The following CLCN2 variants were observed in gnomAD, a reference collection of about 807,000 sequenced individuals.
CLCN2 encodes the protein chloride channel protein 2.
CLCN2 carries 72 observed loss-of-function variants against 108.3 expected under a neutral mutation model. The observed-to-expected ratio is 0.66, with a 90% CI of 0.55 to 0.81. CLCN2 has a LOEUF of 0.81. CLCN2 is among the 30% of genes least tolerant of loss of function. CLCN2 has a pLI of 0.00. For synonymous variants in CLCN2, 471 were observed against 467.1 expected (o/e 1.01, Z -0.11); for missense variants, 1,048 against 1,205.2 (o/e 0.87, Z 1.93).
intron 17 of CLCN2, 36 bp downstream of exon 17, chr3:184,353,214 T>A (rs1345480180): frequency 1.2e-6 from 2 of 1,612,900 alleles, no homozygotes; most frequent in Non-Finnish European, 8.5e-7. Context: ...GTCTACACAA[T>A]GACATTTAGG....
Position 184,352,121 on chromosome 3 carries a change from A to C in CLCN2, c.2311-4T>G. On this transcript the variant is annotated splice_polypyrimidine_tract_variant and splice_region_variant and intron_variant, in intron 21 of 23. Transcript: ENST00000265593. Reference sequence around the variant, plus strand: ...GCTGCTCCTCCCACTCCAGAATCTGAGGGGAAGAGACTATGAGGTTTAGGG... The same window carrying C: ...GCTGCTCCTCCCACTCCAGAATCTGCGGGGAAGAGACTATGAGGTTTAGGG... 1 of 1,611,192 alleles carries C rather than the reference A, an allele frequency of 6.2e-7. No homozygotes were observed. Among genetic ancestry groups the C allele is most frequent in the Non-Finnish European group, 8.5e-7 (1 of 1,177,500 alleles).
chr3:184,351,779 C>T (rs563247936), intron 22 of CLCN2, among the ~76,000 whole-genome samples: 24 of 152,294 alleles, frequency 1.6e-4, no homozygotes, highest in African/African-American at 5.5e-4. Context: ...AGAGTTCCCT[C>T]GAGGGCAAGG....
Position 184,359,064 on chromosome 3 carries a change from C to T in CLCN2, c.131G>A (p.Gly44Glu). 1 of 1,613,708 alleles carries T rather than the reference C, an allele frequency of 6.2e-7. No individual in the cohort carries two copies. The highest frequency in any genetic ancestry group is 2.2e-5 in the East Asian group (1 of 44,880). ...GGGACCTTTCCAGGGTTCAGGCCCT[C>T]CCAGGCGAATCCGAGCAGCTTCCTC... ...AKEEAARIRL[G>E]GPEPWKGPPS... The change falls in exon 2 of 24, where the codon GGA (glycine) becomes GAA (glutamate). Residue 44 changes from glycine (G) to glutamate (E), a missense_variant. Coordinates refer to ENST00000265593, the MANE Select transcript of CLCN2 (RefSeq NM_004366.6).
Position 184,354,865 on chromosome 3 carries a change from G to A in CLCN2, c.1396+39C>T, listed in dbSNP as rs558479124. ...GCTGGGGGGGTGGCCAGAGGCTGAG[G>A]AAGGTGCAGGCTGGGTGAGCAGGCA... On this transcript the variant is annotated intron_variant, in intron 13 of 23. Transcript: ENST00000265593. The A allele has an allele frequency of 3.1e-6, 5 of 1,602,006 alleles. No individual in the cohort carries two copies. The East Asian group carries it at 1.1e-4, about 36-fold the overall frequency.
At chr3:184,357,909 C>G in intron 5 of CLCN2, 53 bp from the exon 6 acceptor site, 1 of 1,613,652 alleles carries the variant, frequency 6.2e-7, no homozygotes, top group Non-Finnish European at 8.5e-7. Context: ...TGACCTTGGC[C>G]TGGCCTCCTC....
rs762159274 is a variant in CLCN2, at chr3:184,346,566, C to T, written c.*40G>A. The T allele has an allele frequency of 1.8e-5, 29 of 1,606,912 alleles. No homozygotes were observed. In the South Asian group the frequency reaches 2.1e-4, roughly 12 times the overall value. On this transcript the variant is annotated 3_prime_UTR_variant, in exon 24 of 24. Coordinates refer to ENST00000265593, the MANE Select transcript of CLCN2 (RefSeq NM_004366.6). This position sits in a 1 kb window ranked among gnomAD's most constrained non-coding sequence, Gnocchi z 6.0. Reference sequence around the variant, plus strand: ...ATGAAAGATGCACATTCTGGGCTGACGGGCATGGCTAGCACCATCCTAGGC... The same window carrying T: ...ATGAAAGATGCACATTCTGGGCTGATGGGCATGGCTAGCACCATCCTAGGC...
chr3:184,358,196 G>A lies in CLCN2; in HGVS notation c.467C>T (p.Ala156Val). Residue 156 changes from alanine to valine, a missense_variant, in exon 4 of 24, where the codon GCC (alanine) becomes GTC (valine). Coordinates refer to ENST00000265593, the MANE Select transcript of CLCN2 (RefSeq NM_004366.6). ...TFSAGFTQIL[A>V]PQAVGSGIPE... The stretch of plus-strand genomic sequence containing the variant: ...TTCTAACATACCGACAGCCTGAGGG[G>A]CCAGGATCTGTGTGAATCCGGCTGA... The A allele has an allele frequency of 1.2e-6, 2 of 1,614,134 alleles. No individual in the cohort carries two copies. Among genetic ancestry groups the A allele is most frequent in the Non-Finnish European group, 1.7e-6 (2 of 1,180,032 alleles).
Position 184,361,488 on chromosome 3 carries a change from A to T in CLCN2, c.-9T>A, listed in dbSNP as rs2108583059. 6.2e-7 allele frequency: 1 copy of T among 1,610,876 alleles called. No homozygotes were observed. The highest frequency in any genetic ancestry group is 1.7e-5 in the Admixed American group (1 of 60,008). ...GCCGCCGCGGCCGCCATCTCCGCGC[A>T]CTGCCCTCTCGCCTCCCTCGGCGGT... On this transcript the variant is annotated 5_prime_UTR_variant, in exon 1 of 24. Coordinates refer to ENST00000265593, the MANE Select transcript of CLCN2 (RefSeq NM_004366.6). This position sits in a 1 kb window ranked among gnomAD's most constrained non-coding sequence, Gnocchi z 6.6.
At chr3:184,360,284 G>A (rs902531960) in intron 1 of CLCN2, among the ~76,000 whole-genome samples, 1 of 152,054 alleles carries the variant, frequency 6.6e-6, no homozygotes, top group African/African-American at 2.4e-5. Flanking sequence ...GAGTGCCCGG[G>A]ACAGAGCTCG....
intron 2 of CLCN2, 24 bp downstream of exon 2, chr3:184,358,951 C>A (rs946198873): frequency 6.2e-7 from 1 of 1,613,564 alleles, no homozygotes. Flanking sequence ...CAGCCAGGTC[C>A]CCTGCCCCCA....
At chr3:184,357,722 G>T (rs777502641) in intron 6 of CLCN2, 24 bp from the exon 7 acceptor site, 1 of 1,613,984 alleles carries the variant, frequency 6.2e-7, no homozygotes, top group South Asian at 1.1e-5. Flanking sequence ...TGGCAAGAGG[G>T]GGTCAGCTGT....
At chr3:184,354,490 T>C in intron 14 of CLCN2, 58 bp downstream of exon 14, 1 of 1,419,310 alleles carries the variant, frequency 7.0e-7, no homozygotes, top group Non-Finnish European at 9.9e-7. Context: ...TCTCGGACCC[T>C]GTGGCTGGGG....
chr3:184,352,105 C>T lies in CLCN2; in HGVS notation c.2323G>A (p.Glu775Lys). Residue 775 changes from glutamate to lysine, a missense_variant, in exon 22 of 24, where the codon GAG becomes AAG. By Grantham distance (56) the Glu-to-Lys change is moderately conservative. Coordinates refer to ENST00000265593, the MANE Select transcript of CLCN2 (RefSeq NM_004366.6). ...EMSPEEILEW[E>K]EQQLDEPVNF... ...ACAGGTTCATCTAGTTGCTGCTCCTCCCACTCCAGAATCTGAGGGGAAGAG... is the reference window on the plus strand; with the variant it reads ...ACAGGTTCATCTAGTTGCTGCTCCTTCCACTCCAGAATCTGAGGGGAAGAG... The T allele has an allele frequency of 6.2e-7, 1 of 1,613,590 alleles. No individual in the cohort carries two copies. Among genetic ancestry groups the T allele is most frequent in the Non-Finnish European group, 8.5e-7 (1 of 1,179,670 alleles).
In CLCN2 at chr3:184,358,289, C is replaced by T. The variant is rs1577325338; in HGVS notation, c.374G>A (p.Gly125Asp). 2.5e-6 allele frequency: 4 copies of T among 1,614,084 alleles called. No homozygotes were observed. Among genetic ancestry groups the T allele is most frequent in the Non-Finnish European group, 3.4e-6 (4 of 1,180,032 alleles). ...CLQAQQWMSR[G>D]LNTSILLQYL... ...CTGGAGCAAGATGCTGGTGTTCAAG[C>T]CCCGGGACATCCACTGCTGGGCTGT... is the stretch of plus-strand genomic sequence containing the variant. Residue 125 changes from glycine (G) to aspartate (D), a missense_variant, in exon 4 of 24, where the codon GGC (glycine) becomes GAC (aspartate). Transcript: ENST00000265593.
intron 19 of CLCN2, 105 bp from the exon 20 acceptor site, chr3:184,352,601 G>A: frequency 2.1e-6 from 3 of 1,436,354 alleles, no homozygotes; most frequent in East Asian, 2.3e-5. Context: ...CACGCCACAG[G>A]ACCTGAGCTG....
intron 14 of CLCN2, 22 bp downstream of exon 14, chr3:184,354,526 C>CT (rs1728383535): frequency 1.3e-6 from 2 of 1,597,470 alleles, no homozygotes; most frequent in Non-Finnish European, 8.6e-7. Flanking sequence ...CTCCCAAGGC[C>CT]GATGGGACCT....
At chr3:184,356,742 G>C (rs765184048) in intron 10 of CLCN2, 1 of 524,712 alleles carries the variant, frequency 1.9e-6, no homozygotes, top group Non-Finnish European at 3.4e-6. Flanking sequence ...GGCCAGCCCA[G>C]AGGACCTGAG....
In CLCN2 at chr3:184,358,679, C is replaced by T. The variant is rs776607075; in HGVS notation, c.352+3G>A. ...TCCTCCCCCTGCCAGCTGTCACCCT[C>T]ACCTTGCAGACAGGCAGCAATGGCA... On this transcript the variant is annotated splice_donor_region_variant and intron_variant, in intron 3 of 23. Coordinates refer to ENST00000265593, the MANE Select transcript of CLCN2 (RefSeq NM_004366.6). The T allele has an allele frequency of 1.3e-6, 2 of 1,571,616 alleles. No individual in the cohort carries two copies. The highest frequency in any genetic ancestry group is 1.2e-5 in the South Asian group (1 of 86,214).
rs554080115 is a variant in CLCN2, at chr3:184,355,923, C to T, written c.1086-145G>A. 1.8e-5 allele frequency: 13 copies of T among 728,424 alleles called. No homozygotes were observed. Among genetic ancestry groups the T allele is most frequent in the Admixed American group, 1.4e-4 (7 of 48,786 alleles). 45.1% of individuals were successfully genotyped at this position (728,424 alleles called of 1,614,324 possible). On this transcript the variant is annotated intron_variant, in intron 10 of 23. Transcript: ENST00000265593. This position sits in a 1 kb window ranked among gnomAD's most constrained non-coding sequence, Gnocchi z 6.3. ...AAGGTCTCCTTTGCTGTTTATGATA[C>T]GATAGCCCCAAGGCTGATGGTGGAC...
Sources: allele counts gnomAD v4.1 joint callset (sites outside exome capture counted in the v4.1 genomes callset), GRCh38; gene constraint gnomAD v4.1.1; non-coding constraint Gnocchi (gnomAD v3.1); transcripts MANE v1.5; gene names NCBI Gene and HGNC (gene_info 2026-07-23, HGNC 2026-07-21).